The following BRWD1 variants were observed in gnomAD, a reference collection of about 807,000 sequenced individuals.
The protein encoded by BRWD1 is bromodomain and WD repeat-containing protein 1.
In BRWD1, 82 loss-of-function variants were observed where a neutral mutation model predicts 251.2. The ratio of observed to expected loss-of-function variants is 0.33; its 90% confidence interval spans 0.27 to 0.39. The LOEUF (loss-of-function observed/expected upper bound fraction) is 0.39, where lower values mean the gene tolerates loss of function less well. Among genes scored for constraint, BRWD1 ranks in the 10% least tolerant of loss-of-function variants. BRWD1 has a pLI of 1.00. For missense variants in BRWD1, 2,233 were observed against 2,711.6 expected, an observed-to-expected ratio of 0.82 and a Z score of 3.92; for synonymous variants, 918 against 902.8, an observed-to-expected ratio of 1.02 and a Z score of -0.30.
chr21:39,186,997 C>A lies in BRWD1; in HGVS notation c.*9262G>T. ...AGTTTACTTGTGTACCAATTGTTTTCAGATGCCACTTCTACATTCTCATAG... is the reference window on the plus strand; with the variant it reads ...AGTTTACTTGTGTACCAATTGTTTTAAGATGCCACTTCTACATTCTCATAG... On this transcript the variant is annotated 3_prime_UTR_variant, in exon 41 of 41. Transcript: ENST00000342449. 5.9e-6 allele frequency: 9 copies of A among 1,520,314 alleles called. No individual in the cohort carries two copies. The highest frequency in any genetic ancestry group is 1.4e-5 in the South Asian group (1 of 73,364). The allele number at this position is 1,520,314 out of a possible 1,614,324, so 94.2% of individuals were successfully genotyped here. A position where few individuals can be genotyped will look rare whatever the true frequency, so the allele number is the denominator to read the frequency against.
At position 39,313,550 on chromosome 21, in the gene BRWD1, C is replaced by A; in HGVS notation, c.-59G>T. 2 of 1,279,962 alleles carry A rather than the reference C, an allele frequency of 1.6e-6. No homozygotes were observed. The highest frequency in any genetic ancestry group is 2.0e-6 in the Non-Finnish European group (2 of 1,012,838). The allele number at this position is 1,279,962 out of a possible 1,614,324, so 79.3% of individuals were successfully genotyped here. A position where few individuals can be genotyped will look rare whatever the true frequency, so the allele number is the denominator to read the frequency against. ...AGCGAGCGGAGCGTGTAGGCCGCGC[C>A]GAGGCCTGACCGGGCTGGCGTCCCC... On this transcript the variant is annotated 5_prime_UTR_variant, in exon 1 of 41. Coordinates refer to ENST00000342449, the MANE Select transcript of BRWD1 (RefSeq NM_033656.4).
chr21:39,282,091 C>T (rs990138143), intron 8 of BRWD1, among the ~76,000 whole-genome samples: 24 of 151,250 alleles, frequency 1.6e-4, no homozygotes, highest in African/African-American at 5.8e-4. Context: ...TATACACATA[C>T]GTATATAAAC....
At chr21:39,313,862 C>G (rs1162931178), upstream of BRWD1, 6 of 339,948 alleles carry the variant, frequency 1.8e-5, no homozygotes, top group Non-Finnish European at 2.8e-5. Context: ...GCGCGTGGTC[C>G]GAATCCCTGC....
chr21:39,314,445 G>C (rs1374575202), upstream of BRWD1: 3 of 410,164 alleles, frequency 7.3e-6, no homozygotes, highest in African/African-American at 4.1e-5. Context: ...TGTGGGGAGA[G>C]GGTGGTGCAG....
Position 39,264,578 on chromosome 21 carries a change from T to A in BRWD1, c.1767A>T (p.Pro589=), listed in dbSNP as rs1413023256. Residue 589 remains proline, a synonymous_variant, in exon 17 of 41, where the codon CCA becomes CCT. Transcript: ENST00000342449. ...QTQQAPHLMP[P]PFLVDVDGNP... ...TTCCATCTACATCTACCAAGAATGG[T>A]GGAGGCATAAGATGAGGAGCCTGCT... The A allele has an allele frequency of 6.2e-7, 1 of 1,613,320 alleles. No individual in the cohort carries two copies. The highest frequency in any genetic ancestry group is 1.1e-5 in the South Asian group (1 of 90,988).
At chr21:39,280,007 C>A in intron 9 of BRWD1, 141 bp downstream of exon 9, 1 of 569,510 alleles carries the variant, frequency 1.8e-6, no homozygotes. Context: ...GGCACATATG[C>A]TGTATATAAT....
chr21:39,283,969 C>A (rs967778387), intron 8 of BRWD1, among the ~76,000 whole-genome samples: 7 of 152,134 alleles, frequency 4.6e-5, no homozygotes, highest in Non-Finnish European at 1.0e-4. Context: ...GTGCTACAAT[C>A]TCATGTGTCT....
chr21:39,268,749 G>C (rs1169646986), intron 15 of BRWD1, among the ~76,000 whole-genome samples: 2 of 152,182 alleles, frequency 1.3e-5, no homozygotes, highest in Non-Finnish European at 2.9e-5. Context: ...CACTTTGGGA[G>C]GCCAAGGCAG....
At position 39,224,487 on chromosome 21, in the gene BRWD1, A is replaced by C; in HGVS notation, c.3321-18T>G. 1 of 1,571,294 alleles carries C rather than the reference A, an allele frequency of 6.4e-7. No homozygotes were observed. The highest frequency in any genetic ancestry group is 8.7e-7 in the Non-Finnish European group (1 of 1,153,250). On this transcript the variant is annotated intron_variant, in intron 28 of 40. Transcript: ENST00000342449. ...TATCCCACCTGTTAAAAAACAACAA[A>C]TCTCTGGTTAGCCTTTCATAAAAAC...
At chr21:39,208,087 G>A (rs1040740955) in intron 36 of BRWD1, among the ~76,000 whole-genome samples, 1 of 152,146 alleles carries the variant, frequency 6.6e-6, no homozygotes, top group Non-Finnish European at 1.5e-5. Flanking sequence ...CCACTGAATT[G>A]TACTCATAAA....
At chr21:39,215,625 C>T (rs1055690729) in intron 31 of BRWD1, among the ~76,000 whole-genome samples, 21 of 152,136 alleles carry the variant, frequency 1.4e-4, no homozygotes, top group African/African-American at 5.1e-4. Context: ...AAACTACCCT[C>T]CCTTTTCATA....
Position 39,313,435 on chromosome 21 carries a change from C to G in BRWD1, c.49+8G>C. On this transcript the variant is annotated splice_region_variant and intron_variant, in intron 1 of 40. Transcript: ENST00000342449. ...CCAGGGCGGGGGTGGCACGGCCTCG[C>G]GTCTTACCCGACTCGATGAGAGGCA... The G allele has an allele frequency of 7.1e-7, 1 of 1,398,770 alleles. No individual in the cohort carries two copies. The allele number at this position is 1,398,770 out of a possible 1,614,324, so 86.6% of individuals were successfully genotyped here.
chr21:39,276,790 G>A (rs938757867), intron 11 of BRWD1, among the ~76,000 whole-genome samples: 2 of 152,102 alleles, frequency 1.3e-5, no homozygotes, highest in African/African-American at 4.8e-5. Context: ...AACCCACCCA[G>A]ATCAACTGTC....
intron 8 of BRWD1, among the ~76,000 whole-genome samples, chr21:39,285,015 T>C (rs1480146198): frequency 6.6e-6 from 1 of 152,194 alleles, no homozygotes; most frequent in Non-Finnish European, 1.5e-5. Context: ...GAAGAGATAA[T>C]TGCACTCCCA....
chr21:39,262,639 C>CG lies in BRWD1; in HGVS notation c.1885+1820dup, dbSNP rs765895521. ...CTGAGGCAGGAAAACCACTTGAACC[C>CG]GGGTGGCGGAGGTTGCAGTGAGCCA... On this transcript the variant is annotated intron_variant, in intron 17 of 40. Transcript: ENST00000342449. Among the ~76,000 whole-genome samples the CG allele has an allele frequency of 3.3e-5, 5 of 151,742 alleles. No individual in the cohort carries two copies. The South Asian group carries it at 8.4e-4, about 25-fold the overall frequency.
At position 39,262,640 on chromosome 21, in the gene BRWD1, G is replaced by A. The variant is rs184489602; in HGVS notation, c.1885+1820C>T. ...TGAGGCAGGAAAACCACTTGAACCCGGGTGGCGGAGGTTGCAGTGAGCCAA... is the reference window on the plus strand; with the variant it reads ...TGAGGCAGGAAAACCACTTGAACCCAGGTGGCGGAGGTTGCAGTGAGCCAA... On this transcript the variant is annotated intron_variant, in intron 17 of 40. Coordinates refer to ENST00000342449, the MANE Select transcript of BRWD1 (RefSeq NM_033656.4). Among the ~76,000 whole-genome samples the A allele has an allele frequency of 1.2e-3, 182 of 151,844 alleles. 1 individual carries two copies. Among genetic ancestry groups the A allele is most frequent in the Middle Eastern group, 6.8e-3 (2 of 294 alleles).
intron 32 of BRWD1, among the ~76,000 whole-genome samples, chr21:39,214,102 C>T (rs116267001): frequency 5.9e-5 from 9 of 151,928 alleles, no homozygotes; most frequent in African/African-American, 1.7e-4. Flanking sequence ...AGGTAACTTA[C>T]GTATGAGTCT....
chr21:39,222,767 A>G (rs950921371), intron 29 of BRWD1, among the ~76,000 whole-genome samples: 2 of 152,256 alleles, frequency 1.3e-5, no homozygotes, highest in Non-Finnish European at 2.9e-5. Context: ...AGTGAGTGGA[A>G]ACAGCATAAG....
intron 28 of BRWD1, among the ~76,000 whole-genome samples, chr21:39,224,674 C>G (rs920734917): frequency 6.6e-6 from 1 of 152,078 alleles, no homozygotes; most frequent in South Asian, 2.1e-4. Context: ...GTGGCCTGCA[C>G]CCAAAGTGAA....
Sources: gnomAD v4.1 joint callset for allele counts (sites outside exome capture counted in the v4.1 genomes callset) on GRCh38, gnomAD v4.1.1 for gene constraint, MANE v1.5 for transcripts, NCBI Gene and HGNC (gene_info 2026-07-23, HGNC 2026-07-21) for gene names.